The following TC2N variants were observed in gnomAD, a reference collection of about 807,000 sequenced individuals.
TC2N encodes tandem C2 domains, nuclear.
A neutral mutation model predicts 61.9 loss-of-function variants in TC2N; 51 were observed. That is an observed-to-expected ratio of 0.82 (90% CI 0.66 to 1.04). The LOEUF (loss-of-function observed/expected upper bound fraction) is 1.04. TC2N is among the 50% of genes least tolerant of loss of function. The probability of loss-of-function intolerance (pLI) is 0.00; values close to 1 mark genes in which losing one functional copy is unlikely to be tolerated. For synonymous variants in TC2N, 204 were observed against 192.6 expected (o/e 1.06, Z -0.49); for missense variants, 556 against 566.7 (o/e 0.98, Z 0.19).
chr14:91,861,021 G>A (rs1164867186), intron 1 of TC2N, among the ~76,000 whole-genome samples: 1 of 152,192 alleles, frequency 6.6e-6, no homozygotes, highest in Non-Finnish European at 1.5e-5. Flanking sequence ...TAGATTACAT[G>A]AAGAACAGAA....
chr14:91,863,218 A>G (rs1052987844), intron 1 of TC2N, among the ~76,000 whole-genome samples: 1 of 152,274 alleles, frequency 6.6e-6, no homozygotes, highest in Non-Finnish European at 1.5e-5. Context: ...TAAAGATCTA[A>G]GGTATCTACA....
intron 9 of TC2N, among the ~76,000 whole-genome samples, chr14:91,791,248 T>C (rs1379344403): frequency 6.7e-6 from 1 of 150,194 alleles, no homozygotes; most frequent in Non-Finnish European, 1.5e-5. Flanking sequence ...TAGATACATG[T>C]TTCTGCCCCA....
chr14:91,802,745 G>GGT (rs1555369663), intron 3 of TC2N, among the ~76,000 whole-genome samples: 2 of 132,366 alleles, frequency 1.5e-5, no homozygotes, highest in African/African-American at 7.9e-5. Context: ...TTACAAGATT[G>GGT]GGGGGGGAGA....
chr14:91,848,443 G>T (rs1298274602), intron 1 of TC2N, among the ~76,000 whole-genome samples: 3 of 152,094 alleles, frequency 2.0e-5, no homozygotes, highest in Admixed American at 2.0e-4. Context: ...CCCTTTTCTG[G>T]CATCTCCCAT....
intron 8 of TC2N, among the ~76,000 whole-genome samples, chr14:91,793,667 T>C (rs1885765453): frequency 6.6e-6 from 1 of 152,188 alleles, no homozygotes; most frequent in Non-Finnish European, 1.5e-5. Flanking sequence ...CACACCTATA[T>C]AAGATGGGCA....
At chr14:91,798,878 A>G in intron 6 of TC2N, 111 bp downstream of exon 6, 1 of 666,764 alleles carries the variant, frequency 1.5e-6, no homozygotes, top group Non-Finnish European at 2.5e-6. Context: ...TATTATATCA[A>G]CATAGTAGAT....
At chr14:91,803,543 T>A (rs1338985604) in intron 3 of TC2N, among the ~76,000 whole-genome samples, 3 of 151,908 alleles carry the variant, frequency 2.0e-5, no homozygotes, top group Admixed American at 2.0e-4. Context: ...ACCTCCACCT[T>A]CTGGGTTCAA....
At chr14:91,865,621 T>A (rs1406272767) in intron 1 of TC2N, among the ~76,000 whole-genome samples, 1 of 152,106 alleles carries the variant, frequency 6.6e-6, no homozygotes, top group African/African-American at 2.4e-5. Context: ...ACAAATTGTA[T>A]CAAAAAGAAA....
At chr14:91,834,745 C>CTT (rs1165453126) in intron 1 of TC2N, among the ~76,000 whole-genome samples, 1 of 152,210 alleles carries the variant, frequency 6.6e-6, no homozygotes, top group Admixed American at 6.5e-5. Context: ...CCTCTCCTGG[C>CTT]TTCTATGAGA....
In TC2N at chr14:91,792,445, T is replaced by C; in HGVS notation, c.969A>G (p.Glu323=). The C allele has an allele frequency of 6.2e-7, 1 of 1,611,302 alleles. No individual in the cohort carries two copies. Among genetic ancestry groups the C allele is most frequent in the Non-Finnish European group, 8.5e-7 (1 of 1,178,152 alleles). Residue 323 remains glutamate (E), a synonymous_variant, in exon 9 of 12, where the codon GAA becomes GAG. Transcript: ENST00000435962. ...TQTPRKKTIG[E]CSMSLRTLST... Reference sequence around the variant, plus strand: ...TAAGGGTTCTGAGTGACATTGAGCATTCTCCAATGGTTTTCTTCCTGGGAG... The same window carrying C: ...TAAGGGTTCTGAGTGACATTGAGCACTCTCCAATGGTTTTCTTCCTGGGAG...
intron 1 of TC2N, among the ~76,000 whole-genome samples, chr14:91,839,544 T>A (rs932592273): frequency 6.6e-6 from 1 of 152,256 alleles, no homozygotes; most frequent in Non-Finnish European, 1.5e-5. Flanking sequence ...CTCTATTTCC[T>A]GAGCACACAG....
rs1886875711 is a variant in TC2N, at chr14:91,813,649, C to T, written c.67+54G>A. 5.5e-6 allele frequency: 7 copies of T among 1,283,908 alleles called. No homozygotes were observed. In the South Asian group the frequency reaches 7.4e-5, roughly 13 times the overall value. The allele number at this position is 1,283,908 out of a possible 1,614,324, so 79.5% of individuals were successfully genotyped here. A position where few individuals can be genotyped will look rare whatever the true frequency, so the allele number is the denominator to read the frequency against. On this transcript the variant is annotated intron_variant, in intron 2 of 11. Transcript: ENST00000435962. Reference sequence around the variant, plus strand: ...GCCTAATTCTTTATATTACAAAATGCCACAAATGAAGAAGATGCTACATAA... The same window carrying T: ...GCCTAATTCTTTATATTACAAAATGTCACAAATGAAGAAGATGCTACATAA...
At chr14:91,832,799 A>G (rs1887839441) in intron 1 of TC2N, among the ~76,000 whole-genome samples, 1 of 152,212 alleles carries the variant, frequency 6.6e-6, no homozygotes, top group African/African-American at 2.4e-5. Flanking sequence ...TAAATTTAAA[A>G]GCAAAAAAAT....
Position 91,783,214 on chromosome 14 carries a change from T to A in TC2N, c.1363-4A>T, listed in dbSNP as rs754123200. On this transcript the variant is annotated splice_polypyrimidine_tract_variant and splice_region_variant and intron_variant, in intron 11 of 11. Transcript: ENST00000435962. ...TACTGTCTTCACTTATCCAAATCTG[T>A]AAAGGAAAGTATGTACAATCATTTA... The A allele has an allele frequency of 6.6e-7, 1 of 1,510,100 alleles. No individual in the cohort carries two copies. The highest frequency in any genetic ancestry group is 1.7e-5 in the Admixed American group (1 of 59,030). The allele number at this position is 1,510,100 out of a possible 1,614,324, so 93.5% of individuals were successfully genotyped here. A position where few individuals can be genotyped will look rare whatever the true frequency, so the allele number is the denominator to read the frequency against.
intron 1 of TC2N, among the ~76,000 whole-genome samples, chr14:91,860,141 C>T (rs1274397983): frequency 6.6e-6 from 1 of 152,160 alleles, no homozygotes; most frequent in Non-Finnish European, 1.5e-5. Flanking sequence ...TCTCCCCTCC[C>T]TCCATACACC....
chr14:91,826,550 G>A (rs1209682845), intron 1 of TC2N, among the ~76,000 whole-genome samples: 2 of 151,900 alleles, frequency 1.3e-5, no homozygotes, highest in African/African-American at 4.8e-5. Context: ...AATACTTCTA[G>A]AAGCCTTAAT....
chr14:91,783,333 C>T, intron 11 of TC2N, 123 bp from the exon 12 acceptor site: 1 of 549,724 alleles, frequency 1.8e-6, no homozygotes, highest in South Asian at 2.9e-5. Context: ...TTAAATTAAA[C>T]ATCTTTCTTT....
intron 9 of TC2N, among the ~76,000 whole-genome samples, chr14:91,791,992 G>A (rs1885679753): frequency 6.6e-6 from 1 of 151,986 alleles, no homozygotes; most frequent in Admixed American, 6.6e-5. Flanking sequence ...GGTGGTGGGC[G>A]CCTGTAGTCC....
intron 4 of TC2N, among the ~76,000 whole-genome samples, 185 bp from the exon 5 acceptor site, chr14:91,800,557 T>G (rs1886181217): frequency 1.3e-5 from 2 of 152,102 alleles, no homozygotes; most frequent in Non-Finnish European, 2.9e-5. Flanking sequence ...TTATTTTTGT[T>G]TGAAACAGAA....
Sources: gnomAD v4.1 joint callset for allele counts (sites outside exome capture counted in the v4.1 genomes callset) on GRCh38, gnomAD v4.1.1 for gene constraint, MANE v1.5 for transcripts, NCBI Gene and HGNC (gene_info 2026-07-23, HGNC 2026-07-21) for gene names.